Variants in TENT4A observed in about 807,000 individuals in gnomAD.
TENT4A encodes DNA polymerase kappa.
TENT4A carries 7 observed loss-of-function variants against 72.8 expected under a neutral mutation model. That is an observed-to-expected ratio of 0.10 (90% CI 0.05 to 0.18). The LOEUF (loss-of-function observed/expected upper bound fraction) is 0.18, where lower values mean the gene tolerates loss of function less well. Among genes scored for constraint, TENT4A ranks in the 10% least tolerant of loss-of-function variants. The pLI, the probability that TENT4A is intolerant of heterozygous loss-of-function variation, is 1.00. For missense variants in TENT4A, 831 were observed against 1,017.7 expected (o/e 0.82, Z 2.50); for synonymous variants, 456 against 434.3 (o/e 1.05, Z -0.62).
At chr5:6,729,738 A>G (rs749293582) in intron 1 of TENT4A, among the ~76,000 whole-genome samples, 2 of 152,166 alleles carry the variant, frequency 1.3e-5, no homozygotes, top group Non-Finnish European at 2.9e-5. Context: ...TTCAGACTCC[A>G]GTATTAGGAG....
At chr5:6,737,906 T>TG (rs951146422) in intron 2 of TENT4A, among the ~76,000 whole-genome samples, 4 of 129,554 alleles carry the variant, frequency 3.1e-5, no homozygotes, top group African/African-American at 8.0e-5. Context: ...AGGGATTTGT[T>TG]GGGTTTTTTT....
At chr5:6,716,862 C>A (rs984644663) in intron 1 of TENT4A, among the ~76,000 whole-genome samples, 6 of 152,232 alleles carry the variant, frequency 3.9e-5, no homozygotes, top group African/African-American at 1.4e-4. Context: ...TTGCTGGAGA[C>A]CTCTCCTTGC....
In TENT4A at chr5:6,713,907, CCGGGCCTCGGGGCGCGGCGGGGG is replaced by C. The variant is rs1462847314; in HGVS notation, c.-72_-50del. ...CGTCCGTCCGTCCGTGCGCGCGCGGCCGGGCCTCGGGGCGCGGCGGGGGCGGGGCCGCGTCGGGGCGGGCGGGC... is the reference window on the plus strand; with the variant it reads ...CGTCCGTCCGTCCGTGCGCGCGCGGCCGGGGCCGCGTCGGGGCGGGCGGGC... On this transcript the variant is annotated 5_prime_UTR_variant, in exon 1 of 13. Coordinates refer to ENST00000230859, the MANE Select transcript of TENT4A (RefSeq NM_006999.6). 1.9e-6 allele frequency: 1 copy of C among 531,606 alleles called. No homozygotes were observed. Among genetic ancestry groups the C allele is most frequent in the Non-Finnish European group, 2.4e-6 (1 of 418,646 alleles). 32.9% of individuals were successfully genotyped at this position (531,606 alleles called of 1,614,324 possible).
At chr5:6,749,312 C>T (rs193043376) in intron 8 of TENT4A, among the ~76,000 whole-genome samples, 4 of 152,286 alleles carry the variant, frequency 2.6e-5, no homozygotes, top group Non-Finnish European at 4.4e-5. Context: ...GGGAAGGCCC[C>T]GCTCCCCTAC....
chr5:6,749,421 G>A (rs533006127), intron 8 of TENT4A, 136 bp from the exon 9 acceptor site: 4 of 636,852 alleles, frequency 6.3e-6, no homozygotes, highest in South Asian at 2.0e-5. Context: ...ATTTGTCAAC[G>A]TATTTTAGCT....
At chr5:6,748,329 C>T in intron 7 of TENT4A, 135 bp from the exon 8 acceptor site, 1 of 1,194,132 alleles carries the variant, frequency 8.4e-7, no homozygotes, top group Non-Finnish European at 1.2e-6. Context: ...GTTCGCCTGT[C>T]TGGGCTTTGC....
rs1392808437 is a variant in TENT4A at position 6,713,950 on chromosome 5, G to T, written c.-34G>T. 10 of 904,160 alleles carry T rather than the reference G, an allele frequency of 1.1e-5. No homozygotes were observed. The East Asian group carries it at 1.2e-3, about 110-fold the overall frequency. The allele number at this position is 904,160 out of a possible 1,614,324, so 56.0% of individuals were successfully genotyped here. On this transcript the variant is annotated 5_prime_UTR_variant, in exon 1 of 13. Coordinates refer to ENST00000230859, the MANE Select transcript of TENT4A (RefSeq NM_006999.6). ...CGGGGGCGGGGCCGCGTCGGGGCGG[G>T]CGGGCGCGCGGGCCCCGCGGGGGCG...
At chr5:6,733,814 A>C (rs1741328947) in intron 1 of TENT4A, among the ~76,000 whole-genome samples, 1 of 152,214 alleles carries the variant, frequency 6.6e-6, no homozygotes, top group African/African-American at 2.4e-5. Flanking sequence ...TGTGGTCGGC[A>C]GGGCTTATCT....
intron 1 of TENT4A, among the ~76,000 whole-genome samples, chr5:6,725,172 T>G (rs1042553206): frequency 6.6e-6 from 1 of 151,986 alleles, no homozygotes; most frequent in African/African-American, 2.4e-5. Flanking sequence ...ATACAAAAAA[T>G]TATCCGGGCG....
intron 1 of TENT4A, among the ~76,000 whole-genome samples, chr5:6,725,893 G>A (rs953692039): frequency 4.6e-5 from 7 of 152,224 alleles, no homozygotes; most frequent in South Asian, 2.1e-4. Flanking sequence ...TCCAACTTCA[G>A]TTGGAAATAC....
intron 1 of TENT4A, among the ~76,000 whole-genome samples, chr5:6,724,623 A>G (rs1289631210): frequency 2.0e-5 from 3 of 152,218 alleles, no homozygotes; most frequent in African/African-American, 4.8e-5. Flanking sequence ...AGATGAAAGC[A>G]TGGAATGAAC....
At chr5:6,728,470 G>T (rs780805562) in intron 1 of TENT4A, among the ~76,000 whole-genome samples, 6 of 152,226 alleles carry the variant, frequency 3.9e-5, no homozygotes, top group Non-Finnish European at 7.3e-5. Context: ...AGCTCATCTG[G>T]AGGGTTTTCG....
chr5:6,752,545 T>C (rs757544249), intron 11 of TENT4A, among the ~76,000 whole-genome samples: 1 of 152,216 alleles, frequency 6.6e-6, no homozygotes, highest in Non-Finnish European at 1.5e-5. Context: ...GACCCCTGAG[T>C]TCAGCGTGTG....
Position 6,719,423 on chromosome 5 carries a change from C to T in TENT4A, c.716+4724C>T, listed in dbSNP as rs1210296136. 2.6e-5 allele frequency among the ~76,000 whole-genome samples: 4 copies of T among 152,136 alleles called. No individual in the cohort carries two copies. In the East Asian group the frequency reaches 5.8e-4, roughly 22 times the overall value. On this transcript the variant is annotated intron_variant, in intron 1 of 12. Coordinates refer to ENST00000230859, the MANE Select transcript of TENT4A (RefSeq NM_006999.6). ...GAAACTTGATTTTTGAGGATGCAAC[C>T]AGAATTTGGACTAAAGGTACAGAGG...
At chr5:6,743,232 C>G (rs1029998874) in intron 5 of TENT4A, among the ~76,000 whole-genome samples, 1 of 152,160 alleles carries the variant, frequency 6.6e-6, no homozygotes. Context: ...TCCCCCTTCC[C>G]CCTTGTCATC....
intron 1 of TENT4A, among the ~76,000 whole-genome samples, chr5:6,728,734 C>T (rs958544371): frequency 6.6e-6 from 1 of 152,218 alleles, no homozygotes; most frequent in Non-Finnish European, 1.5e-5. Context: ...CAGATTCTTA[C>T]AGAAGACTTA....
chr5:6,720,748 T>C (rs988091711), intron 1 of TENT4A, among the ~76,000 whole-genome samples: 13 of 151,840 alleles, frequency 8.6e-5, no homozygotes, highest in Non-Finnish European at 1.8e-4. Context: ...CGTGTGAATA[T>C]ATGAAAATAC....
At chr5:6,740,930 CTG>C (rs373208863) in intron 4 of TENT4A, among the ~76,000 whole-genome samples, 251 of 152,332 alleles carry the variant, frequency 1.6e-3, no homozygotes, top group Admixed American at 2.8e-3. Flanking sequence ...GGTGAGGAAA[CTG>C]AGATGCGGAG....
rs5865676 is a variant in TENT4A, at chr5:6,730,755, T to TAAAAAAAAAAAAAAAA, written c.717-6751_717-6736dup. Among the ~76,000 whole-genome samples the TAAAAAAAAAAAAAAAA allele has an allele frequency of 1.5e-5, 2 of 130,050 alleles. 1 individual carries two copies. 85.3% of individuals were successfully genotyped at this position (130,050 alleles called of 152,430 possible). A position where few individuals can be genotyped will look rare whatever the true frequency, so the allele number is the denominator to read the frequency against. Reference sequence around the variant, plus strand: ...CTTTTCCTTCTTTCGAGCCTTAATTTAAAAAAAAAAAAAAAAAAAGCCTTG... The same window carrying TAAAAAAAAAAAAAAAA: ...CTTTTCCTTCTTTCGAGCCTTAATTTAAAAAAAAAAAAAAAAAAAAAAAAAAAAAAAAAAAGCCTTG... On this transcript the variant is annotated intron_variant, in intron 1 of 12. Coordinates refer to ENST00000230859, the MANE Select transcript of TENT4A (RefSeq NM_006999.6).
Sources: allele counts gnomAD v4.1 joint callset (sites outside exome capture counted in the v4.1 genomes callset), GRCh38; gene constraint gnomAD v4.1.1; transcripts MANE v1.5; gene names NCBI Gene and HGNC (gene_info 2026-07-23, HGNC 2026-07-21).